HIGD1B: variants seen among roughly 807,000 people sequenced by gnomAD.
The protein encoded by HIGD1B is HIG1 hypoxia inducible domain family member 1B.
A neutral mutation model predicts 8.8 loss-of-function variants in HIGD1B; 9 were observed. The observed-to-expected ratio is 1.02, with a 90% CI of 0.62 to 1.78. The LOEUF (loss-of-function observed/expected upper bound fraction) is 1.78. HIGD1B is among the 40% of genes most tolerant of loss of function. The pLI, the probability that HIGD1B is intolerant of heterozygous loss-of-function variation, is 0.00. For synonymous variants in HIGD1B, 47 were observed against 38.8 expected, an observed-to-expected ratio of 1.21 and a Z score of -0.78; for missense variants, 126 against 111.8, an observed-to-expected ratio of 1.13 and a Z score of -0.57.
At chr17:44,850,250 G>A in intron 2 of HIGD1B, 82 bp from the exon 3 acceptor site, 1 of 1,090,244 alleles carries the variant, frequency 9.2e-7, no homozygotes, top group Non-Finnish European at 1.4e-6. Flanking sequence ...GCAGCTAGAG[G>A]TGAACCCCTA....
At chr17:44,850,299 G>T in intron 2 of HIGD1B, 33 bp from the exon 3 acceptor site, 2 of 1,584,516 alleles carry the variant, frequency 1.3e-6, no homozygotes, top group Non-Finnish European at 1.7e-6. Context: ...AGGGTTTGAT[G>T]CCAAGGGGCA....
intron 1 of HIGD1B, chr17:44,848,983 C>G (rs2050369972): frequency 2.9e-6 from 1 of 342,954 alleles, no homozygotes; most frequent in South Asian, 4.1e-5. Flanking sequence ...CCATTTTGGT[C>G]AGGCTGGTCT....
In HIGD1B at chr17:44,849,405, G is replaced by A. The variant is rs2231646; in HGVS notation, c.235+17G>A. 4,418 of 1,613,318 alleles carry A rather than the reference G, an allele frequency of 2.7e-3. 79 individuals carry two copies. In the African/African-American group the frequency reaches 0.043, roughly 16 times the overall value. On this transcript the variant is annotated intron_variant, in intron 2 of 2. Transcript: ENST00000253410. ...TCATGCTAGGTGAGTAGCTTTGTGG[G>A]GTCGCAGAATGAGGGCAAAACCGAT...
intron 1 of HIGD1B, 125 bp from the exon 2 acceptor site, chr17:44,849,126 CCCG>C (rs986791123): frequency 1.7e-6 from 2 of 1,152,880 alleles, no homozygotes; most frequent in Non-Finnish European, 2.4e-6. Flanking sequence ...ACGCCCACCC[CCCG>C]CCACCAGATG....
chr17:44,850,056 CAAT>C, intron 2 of HIGD1B: 1 of 344,032 alleles, frequency 2.9e-6, no homozygotes, highest in Admixed American at 4.0e-5. Context: ...TGTAACATGA[CAAT>C]AACCACCCCT....
At chr17:44,848,647 GTGGTGAT>G (rs2050360051) in intron 1 of HIGD1B, among the ~76,000 whole-genome samples, 7 of 53,336 alleles carry the variant, frequency 1.3e-4, no homozygotes, top group Admixed American at 4.7e-4. Flanking sequence ...GGGCTGTGTC[GTGGTGAT>G]CAGCTATTTG....
upstream of HIGD1B, among the ~76,000 whole-genome samples, chr17:44,845,023 C>A (rs1389680015): frequency 6.6e-6 from 1 of 151,740 alleles, no homozygotes; most frequent in African/African-American, 2.4e-5. Context: ...TTTGGGAGGC[C>A]GAGGTGGGCG....
intron 2 of HIGD1B, chr17:44,850,105 C>T (rs2050412808): frequency 4.3e-6 from 2 of 466,016 alleles, no homozygotes; most frequent in Admixed American, 6.6e-5. Flanking sequence ...TGAGGTTTCT[C>T]AGATACACAA....
At chr17:44,848,384 CA>C in intron 1 of HIGD1B, 132 bp downstream of exon 1, 1 of 626,448 alleles carries the variant, frequency 1.6e-6, no homozygotes, top group Non-Finnish European at 2.8e-6. Context: ...GAAACAACAG[CA>C]AAGGTGCCAA....
upstream of HIGD1B, among the ~76,000 whole-genome samples, chr17:44,845,954 CAAAAGA>C (rs1420839781): frequency 6.6e-6 from 1 of 151,824 alleles, no homozygotes; most frequent in Non-Finnish European, 1.5e-5. Flanking sequence ...AATCCCAAAC[CAAAAGA>C]CAGCCTAGAG....
chr17:44,849,314 C>T lies in HIGD1B; in HGVS notation c.161C>T (p.Ser54Phe). ...YRIYRLRSRG[S>F]TKMSIHLIHT... ...ATTTACCGGCTGAGGTCTCGTGGTT[C>T]CACCAAGATGTCCATACACCTGATT... The change falls in exon 2 of 3, where the codon TCC (serine) becomes TTC (phenylalanine). Residue 54 changes from serine (S) to phenylalanine (F), a missense_variant. Coordinates refer to ENST00000253410, the MANE Select transcript of HIGD1B (RefSeq NM_016438.4). 1 of 1,614,124 alleles carries T rather than the reference C, an allele frequency of 6.2e-7. No homozygotes were observed. The highest frequency in any genetic ancestry group is 1.6e-4 in the Middle Eastern group (1 of 6,062).
chr17:44,846,309 G>A (rs2050321703), upstream of HIGD1B: 1 of 152,458 alleles, frequency 6.6e-6, no homozygotes, highest in Non-Finnish European at 1.5e-5. Flanking sequence ...TAAAGCCCAA[G>A]TCACTGCTTC....
In HIGD1B at chr17:44,850,446, T is replaced by C. The variant is rs1291583113; in HGVS notation, c.*50T>C. The C allele has an allele frequency of 1.5e-6, 2 of 1,376,902 alleles. No homozygotes were observed. Among genetic ancestry groups the C allele is most frequent in the African/African-American group, 1.4e-5 (1 of 70,634 alleles). The allele number at this position is 1,376,902 out of a possible 1,614,324, so 85.3% of individuals were successfully genotyped here. On this transcript the variant is annotated 3_prime_UTR_variant, in exon 3 of 3. Transcript: ENST00000253410. ...CCAACTCCCCTAACTCAATCCCTGG[T>C]ACATTCCTAATAAAGCAGTTTTGAG...
chr17:44,850,440 C>A lies in HIGD1B; in HGVS notation c.*44C>A. 1.4e-6 allele frequency: 2 copies of A among 1,409,116 alleles called. No individual in the cohort carries two copies. Among genetic ancestry groups the A allele is most frequent in the Non-Finnish European group, 2.0e-6 (2 of 1,000,028 alleles). The allele number at this position is 1,409,116 out of a possible 1,614,324, so 87.3% of individuals were successfully genotyped here. A position where few individuals can be genotyped will look rare whatever the true frequency, so the allele number is the denominator to read the frequency against. On this transcript the variant is annotated 3_prime_UTR_variant, in exon 3 of 3. Coordinates refer to ENST00000253410, the MANE Select transcript of HIGD1B (RefSeq NM_016438.4). ...GGCTGTCCAACTCCCCTAACTCAAT[C>A]CCTGGTACATTCCTAATAAAGCAGT...
chr17:44,850,207 G>C, intron 2 of HIGD1B, 125 bp from the exon 3 acceptor site: 1 of 679,948 alleles, frequency 1.5e-6, no homozygotes, highest in East Asian at 2.7e-5. Flanking sequence ...ACCTGGGGCA[G>C]AAAGATGAGC....
chr17:44,849,164 A>C, intron 1 of HIGD1B, 90 bp from the exon 2 acceptor site: 1 of 1,499,308 alleles, frequency 6.7e-7, no homozygotes, highest in Non-Finnish European at 9.1e-7. Context: ...CTGTTTATCC[A>C]GATGCCCAGC....
chr17:44,850,256 C>A, intron 2 of HIGD1B, 76 bp from the exon 3 acceptor site: 1 of 1,178,174 alleles, frequency 8.5e-7, no homozygotes, highest in South Asian at 1.3e-5. Context: ...AGAGGTGAAC[C>A]CCTAGGACGC....
chr17:44,849,311 G>C lies in HIGD1B; in HGVS notation c.158G>C (p.Gly53Ala). 1 of 1,614,164 alleles carries C rather than the reference G, an allele frequency of 6.2e-7. No individual in the cohort carries two copies. ...AYRIYRLRSR[G>A]STKMSIHLIH... ...AGGATTTACCGGCTGAGGTCTCGTG[G>C]TTCCACCAAGATGTCCATACACCTG... Residue 53 changes from glycine (G) to alanine (A), a missense_variant, in exon 2 of 3, where the codon GGT becomes GCT. Coordinates refer to ENST00000253410, the MANE Select transcript of HIGD1B (RefSeq NM_016438.4).
chr17:44,847,110 C>T (rs1296056704), upstream of HIGD1B, among the ~76,000 whole-genome samples: 2 of 151,648 alleles, frequency 1.3e-5, no homozygotes, highest in African/African-American at 2.4e-5. Context: ...GCACTCCAGC[C>T]TGGGCTACAG....
Sources: allele counts gnomAD v4.1 joint callset (sites outside exome capture counted in the v4.1 genomes callset), GRCh38; gene constraint gnomAD v4.1.1; transcripts MANE v1.5; gene names NCBI Gene and HGNC (gene_info 2026-07-23, HGNC 2026-07-21).